Variants in MEIKIN observed in about 807,000 individuals in gnomAD.
The protein encoded by MEIKIN is meiotic kinetochore factor.
intron 7 of MEIKIN, among the ~76,000 whole-genome samples, chr5:131,916,014 C>T (rs1751410826): frequency 6.6e-6 from 1 of 152,130 alleles, no homozygotes; most frequent in South Asian, 2.1e-4. Flanking sequence ...AAAACCCCGT[C>T]TCCATTAGCT....
chr5:131,888,359 T>A (rs1308936410), intron 8 of MEIKIN, among the ~76,000 whole-genome samples: 1 of 142,844 alleles, frequency 7.0e-6, no homozygotes, highest in Non-Finnish European at 1.5e-5. Flanking sequence ...CTCCACATCC[T>A]CTCCAGCACC....
At chr5:131,880,201 T>C (rs1039415769) in intron 8 of MEIKIN, among the ~76,000 whole-genome samples, 1 of 152,016 alleles carries the variant, frequency 6.6e-6, no homozygotes, top group Non-Finnish European at 1.5e-5. Flanking sequence ...GCGATTCTCC[T>C]GTCTCAGCCA....
intron 7 of MEIKIN, 58 bp downstream of exon 7, chr5:131,916,828 T>A: frequency 2.5e-6 from 1 of 395,554 alleles, no homozygotes; most frequent in Non-Finnish European, 4.5e-6. Flanking sequence ...ATTTGCTATA[T>A]AACTATTATA....
intron 11 of MEIKIN, among the ~76,000 whole-genome samples, chr5:131,819,598 C>CTT (rs34041769): frequency 1.5e-5 from 2 of 130,654 alleles, no homozygotes; most frequent in East Asian, 2.1e-4. Flanking sequence ...TAGAAACTTC[C>CTT]TTTTTTTTTT....
At chr5:131,921,984 G>A in intron 5 of MEIKIN, 43 bp from the exon 6 acceptor site, 1 of 398,444 alleles carries the variant, frequency 2.5e-6, no homozygotes, top group Non-Finnish European at 4.4e-6. Context: ...TTGAACAACA[G>A]CCTACAAATG....
intron 10 of MEIKIN, among the ~76,000 whole-genome samples, chr5:131,852,050 C>G (rs1750123575): frequency 6.6e-6 from 1 of 152,108 alleles, no homozygotes; most frequent in Admixed American, 6.5e-5. Flanking sequence ...AATAAATGCG[C>G]ATAAACTGAA....
chr5:131,945,044 T>C, intron 2 of MEIKIN, 112 bp downstream of exon 2: 1 of 398,514 alleles, frequency 2.5e-6, no homozygotes, highest in Non-Finnish European at 4.4e-6. Flanking sequence ...ATCAGAGTAC[T>C]GTATTTGTTT....
intron 8 of MEIKIN, among the ~76,000 whole-genome samples, chr5:131,898,027 C>T (rs914287045): frequency 6.6e-6 from 1 of 152,164 alleles, no homozygotes; most frequent in African/African-American, 2.4e-5. Context: ...GGTTTCCTCC[C>T]ATCTTTGTGG....
At chr5:131,938,388 G>A (rs994621606) in intron 4 of MEIKIN, among the ~76,000 whole-genome samples, 6 of 152,024 alleles carry the variant, frequency 3.9e-5, no homozygotes, top group African/African-American at 1.2e-4. Flanking sequence ...GGCTGGTCTC[G>A]ATCTCCTAGG....
chr5:131,896,212 A>G (rs943763108), intron 8 of MEIKIN, among the ~76,000 whole-genome samples: 21 of 152,152 alleles, frequency 1.4e-4, no homozygotes, highest in African/African-American at 4.8e-4. Context: ...GAGTTTCTTA[A>G]TCATGAGTTC....
At chr5:131,936,942 A>C (rs1751789652) in intron 4 of MEIKIN, among the ~76,000 whole-genome samples, 1 of 151,880 alleles carries the variant, frequency 6.6e-6, no homozygotes, top group African/African-American at 2.4e-5. Context: ...TCTATTTTTT[A>C]TTTTCCTCCC....
chr5:131,936,986 T>A (rs1300927033), intron 4 of MEIKIN, among the ~76,000 whole-genome samples: 2 of 152,156 alleles, frequency 1.3e-5, no homozygotes, highest in Non-Finnish European at 2.9e-5. Flanking sequence ...TCTTCTTTTT[T>A]AAAAAAGTAT....
intron 8 of MEIKIN, among the ~76,000 whole-genome samples, chr5:131,898,378 G>A (rs1580897249): frequency 3.3e-5 from 5 of 152,354 alleles, no homozygotes; most frequent in Admixed American, 3.3e-4. Flanking sequence ...CTACACGGGG[G>A]TCAGGGACCC....
intron 4 of MEIKIN, among the ~76,000 whole-genome samples, chr5:131,941,239 A>ACCT (rs1256850747): frequency 7.9e-6 from 1 of 125,896 alleles, no homozygotes; most frequent in East Asian, 2.6e-4. Context: ...GCTCACTGCA[A>ACCT]CCTCCGCCTC....
intron 10 of MEIKIN, among the ~76,000 whole-genome samples, chr5:131,854,098 C>T (rs1037527146): frequency 6.6e-6 from 1 of 152,122 alleles, no homozygotes; most frequent in African/African-American, 2.4e-5. Context: ...CCCAATTGTC[C>T]ATCAATAGAT....
rs70974020 is a variant in MEIKIN at position 131,850,057 on chromosome 5, C to CAA, written c.975+1205_975+1206dup. ...TTTGAAAAGAAATTACCAAAAAAAA[C>CAA]AAAAAAAAAGAAAATAAATTACAAT... On this transcript the variant is annotated intron_variant, in intron 11 of 12. Coordinates refer to ENST00000442687, the MANE Select transcript of MEIKIN (RefSeq NM_001303622.2). Among the ~76,000 whole-genome samples the CAA allele has an allele frequency of 2.4e-3, 363 of 149,246 alleles. 2 individuals carry two copies. The highest frequency in any genetic ancestry group is 3.5e-3 in the Non-Finnish European group (237 of 67,292).
chr5:131,938,414 C>T (rs1751817844), intron 4 of MEIKIN, among the ~76,000 whole-genome samples: 1 of 152,072 alleles, frequency 6.6e-6, no homozygotes, highest in Non-Finnish European at 1.5e-5. Context: ...GCAATCCACC[C>T]GCCTCGGCCT....
chr5:131,941,414 C>T (rs968591811), intron 4 of MEIKIN, among the ~76,000 whole-genome samples: 4 of 151,658 alleles, frequency 2.6e-5, no homozygotes, highest in African/African-American at 9.7e-5. Context: ...CTGCTTTGGC[C>T]TCTCAAAGTG....
At chr5:131,832,972 GA>G (rs1160862049) in intron 11 of MEIKIN, among the ~76,000 whole-genome samples, 1 of 152,228 alleles carries the variant, frequency 6.6e-6, no homozygotes, top group Non-Finnish European at 1.5e-5. Flanking sequence ...ACATGCCCTG[GA>G]GACATTTTCC....
Sources: gnomAD v4.1 joint callset for allele counts (sites outside exome capture counted in the v4.1 genomes callset) on GRCh38, gnomAD v4.1.1 for gene constraint, MANE v1.5 for transcripts, NCBI Gene and HGNC (gene_info 2026-07-23, HGNC 2026-07-21) for gene names.